The following GRIA3 variants were observed in gnomAD, a reference collection of about 807,000 sequenced individuals.
The protein encoded by GRIA3 is glutamate receptor 3.
GRIA3 carries 3 observed loss-of-function variants against 63.0 expected under a neutral mutation model. That is an observed-to-expected ratio of 0.05 (90% CI 0.02 to 0.12). The LOEUF (loss-of-function observed/expected upper bound fraction) is 0.12. Ranked by LOEUF, GRIA3 falls within the 10% of genes least tolerant of loss-of-function variation. The probability of loss-of-function intolerance (pLI) is 1.00; values close to 1 mark genes in which losing one functional copy is unlikely to be tolerated. For synonymous variants in GRIA3, 274 were observed against 257.9 expected, an observed-to-expected ratio of 1.06 and a Z score of -0.60; for missense variants, 347 against 700.9, an observed-to-expected ratio of 0.50 and a Z score of 5.70.
chrX:123,261,881 AG>A (rs1222760195), intron 3 of GRIA3, among the ~76,000 whole-genome samples: 91 of 112,208 alleles, frequency 8.1e-4, no homozygotes, highest in African/African-American at 2.8e-3. Context: ...CTGAAAAAAA[AG>A]GAGGTGACAG....
intron 3 of GRIA3, among the ~76,000 whole-genome samples, chrX:123,258,573 C>G (rs193062913): frequency 2.7e-5 from 3 of 111,810 alleles, no homozygotes; most frequent in African/African-American, 6.5e-5. Context: ...TCCCCCAGAA[C>G]AGCAACATAC....
At chrX:123,207,827 CA>C (rs1174718571) in intron 2 of GRIA3, among the ~76,000 whole-genome samples, 1 of 111,368 alleles carries the variant, frequency 9.0e-6, no homozygotes, top group Non-Finnish European at 1.9e-5. Flanking sequence ...ACAGTTCTGA[CA>C]AGAGAAGGCC....
At chrX:123,321,220 T>C (rs1233689187) in intron 3 of GRIA3, among the ~76,000 whole-genome samples, 4 of 112,154 alleles carry the variant, frequency 3.6e-5, no homozygotes, top group African/African-American at 1.3e-4. Context: ...AACTTGCCTC[T>C]CTATAGAACA....
At chrX:123,284,402 G>A (rs2044605316) in intron 3 of GRIA3, among the ~76,000 whole-genome samples, 1 of 111,619 alleles carries the variant, frequency 9.0e-6, no homozygotes, top group South Asian at 3.8e-4. Context: ...GAATGAGTTT[G>A]AGGAATTGAC....
chrX:123,354,766 T>C, intron 4 of GRIA3, 144 bp from the exon 5 acceptor site: 1 of 531,291 alleles, frequency 1.9e-6, no homozygotes, highest in Admixed American at 2.4e-5. Context: ...GAAAGCGAAA[T>C]GCAACAACAA....
chrX:123,322,001 AC>A (rs1042822600), intron 3 of GRIA3, among the ~76,000 whole-genome samples: 19 of 111,197 alleles, frequency 1.7e-4, no homozygotes, highest in Non-Finnish European at 3.2e-4. Flanking sequence ...GATGCAGGAT[AC>A]CCCAGGAAAG....
At chrX:123,442,046 C>T (rs2045676903) in intron 12 of GRIA3, among the ~76,000 whole-genome samples, 1 of 112,215 alleles carries the variant, frequency 8.9e-6, no homozygotes, top group Non-Finnish European at 1.9e-5. Flanking sequence ...TTCAAGGAGA[C>T]TTGGATAAAT....
At position 123,349,750 on chromosome X, in the gene GRIA3, G is replaced by A. The variant is rs963497563; in HGVS notation, c.697-5160G>A. On this transcript the variant is annotated intron_variant, in intron 4 of 15. Transcript: ENST00000620443. ...ACTGCAATATGAAGCATTGTCATTC[G>A]GTGATAGGAGAGCATGTGTGTGCAG... Among the ~76,000 whole-genome samples the A allele has an allele frequency of 8.9e-5, 10 of 112,209 alleles. 1 individual carries two copies. In the Middle Eastern group the frequency reaches 0.018, roughly 207 times the overall value.
chrX:123,230,946 G>C (rs975283095), intron 2 of GRIA3, among the ~76,000 whole-genome samples: 1 of 112,156 alleles, frequency 8.9e-6, no homozygotes, highest in Non-Finnish European at 1.9e-5. Context: ...CAAACACAAA[G>C]AGGATGAAGA....
At chrX:123,318,459 C>T (rs1318352571) in intron 3 of GRIA3, among the ~76,000 whole-genome samples, 3 of 112,004 alleles carry the variant, frequency 2.7e-5, no homozygotes, top group Non-Finnish European at 3.8e-5. Flanking sequence ...GTTTTAAATG[C>T]TTTGCTGCTT....
At chrX:123,385,927 C>A (rs1195907925) in intron 5 of GRIA3, among the ~76,000 whole-genome samples, 10 of 112,039 alleles carry the variant, frequency 8.9e-5, no homozygotes, top group East Asian at 5.5e-4. Context: ...ATACTGATTT[C>A]TTTTCCTGTG....
intron 3 of GRIA3, among the ~76,000 whole-genome samples, chrX:123,284,273 T>C (rs1480414201): frequency 8.9e-6 from 1 of 111,963 alleles, no homozygotes; most frequent in Non-Finnish European, 1.9e-5. Context: ...CAAAGGTAGA[T>C]AAATCCAAGA....
At chrX:123,379,178 C>T (rs1357261919) in intron 5 of GRIA3, among the ~76,000 whole-genome samples, 2 of 111,330 alleles carry the variant, frequency 1.8e-5, no homozygotes, top group African/African-American at 3.3e-5. Context: ...GAACATTTCT[C>T]CTAACTTCTA....
At chrX:123,338,802 G>A (rs769369421) in intron 4 of GRIA3, among the ~76,000 whole-genome samples, 3 of 111,661 alleles carry the variant, frequency 2.7e-5, no homozygotes, top group Non-Finnish European at 5.6e-5. Flanking sequence ...CGCCTGCCTC[G>A]GCCTCCCAAA....
At position 123,184,562 on chromosome X, in the gene GRIA3, A is replaced by G; in HGVS notation, c.27A>G (p.Gln9=). The G allele has an allele frequency of 1.7e-5, 21 of 1,209,899 alleles. No homozygotes were observed. The highest frequency in any genetic ancestry group is 2.3e-5 in the Non-Finnish European group (21 of 894,284). Residue 9 remains glutamine, a synonymous_variant, in exon 1 of 16, where the codon CAA becomes CAG. Coordinates refer to ENST00000620443, the MANE Select transcript of GRIA3 (RefSeq NM_007325.5). The part of the protein sequence containing the change: MARQKKMG[Q]SVLRAVFFLV... ...TGGCCAGGCAGAAGAAAATGGGGCA[A>G]AGCGTGCTCCGGGCGGTCTTCTTTT... is the stretch of plus-strand genomic sequence containing the variant.
Position 123,403,043 on chromosome X carries a change from G to A in GRIA3, c.1130G>A (p.Arg377His), listed in dbSNP as rs747646413. The A allele has an allele frequency of 1.9e-5, 22 of 1,177,377 alleles. No homozygotes were observed. The highest frequency in any genetic ancestry group is 3.0e-5 in the East Asian group (1 of 33,467). Residue 377 changes from arginine to histidine, a missense_variant, in exon 8 of 16, where the codon CGT becomes CAT. By Grantham distance (29) the Arg-to-His change is conservative (BLOSUM62 0). Transcript: ENST00000620443. Reference protein sequence around the residue: ...TGNIQFDTYGRRTNYTIDVYE... With the variant: ...TGNIQFDTYGHRTNYTIDVYE... The stretch of plus-strand genomic sequence containing the variant: ...AATATTCAATTTGACACTTATGGAC[G>A]TAGGACAAATTATACCATCGATGTG...
At chrX:123,335,205 A>C (rs2044966740) in intron 4 of GRIA3, among the ~76,000 whole-genome samples, 1 of 110,849 alleles carries the variant, frequency 9.0e-6, no homozygotes, top group Non-Finnish European at 1.9e-5. Context: ...GATGATAGGA[A>C]GATTGAGATA....
chrX:123,203,672 A>C lies in GRIA3; in HGVS notation c.268+17682A>C, dbSNP rs749281574. 1.1e-4 allele frequency among the ~76,000 whole-genome samples: 12 copies of C among 111,640 alleles called. No individual in the cohort carries two copies. In the South Asian group the frequency reaches 4.6e-3, roughly 43 times the overall value. The stretch of plus-strand genomic sequence containing the variant: ...CTCATGGCCTATTCCCCCACTCATC[A>C]AGCTCCCAATTGCCTGGTAAAGAGG... On this transcript the variant is annotated intron_variant, in intron 2 of 15. Transcript: ENST00000620443.
intron 3 of GRIA3, among the ~76,000 whole-genome samples, chrX:123,260,507 AGAAAGAAAGAAAGAAAGAAAG>A (rs1156742636): frequency 3.9e-4 from 7 of 18,070 alleles, no homozygotes; most frequent in Admixed American, 2.6e-3. Context: ...AAAGAAAGAA[AGAAAGAAAGAAAGAAAGAAAG>A]GAAAGAAAGA....
Sources: allele counts gnomAD v4.1 joint callset (sites outside exome capture counted in the v4.1 genomes callset), GRCh38; gene constraint gnomAD v4.1.1; transcripts MANE v1.5; gene names NCBI Gene and HGNC (gene_info 2026-07-23, HGNC 2026-07-21).